Variants in AGAP2 observed in about 807,000 individuals in gnomAD.
AGAP2 encodes the protein arf-GAP with GTPase, ANK repeat and PH domain-containing protein 2.
AGAP2 carries 32 observed loss-of-function variants against 110.9 expected under a neutral mutation model. The observed-to-expected ratio is 0.29, with a 90% CI of 0.22 to 0.39. The LOEUF is 0.39. Ranked by LOEUF, AGAP2 falls within the 10% of genes least tolerant of loss-of-function variation. AGAP2 has a pLI of 1.00. For missense variants in AGAP2, 1,285 were observed against 1,638.5 expected (o/e 0.78, Z 3.72); for synonymous variants, 702 against 713.0 (o/e 0.98, Z 0.25).
rs1279258826 is a variant in AGAP2 at position 57,726,201 on chromosome 12, C to A, written c.*351G>T. 1 of 165,478 alleles carries A rather than the reference C, an allele frequency of 6.0e-6. No individual in the cohort carries two copies. The highest frequency in any genetic ancestry group is 1.3e-5 in the Non-Finnish European group (1 of 76,490). The allele number at this position is 165,478 out of a possible 1,614,324, so 10.3% of individuals were successfully genotyped here. ...TTGTTGAGCTCGGGCAGGACCGGGT[C>A]TTCTTTCCGCCCCTAGGGGGCACAA... On this transcript the variant is annotated 3_prime_UTR_variant, in exon 19 of 19. Transcript: ENST00000547588. This position sits in a 1 kb window ranked among gnomAD's most constrained non-coding sequence, Gnocchi z 5.7.
In AGAP2 at chr12:57,737,886, G is replaced by T. The variant is rs568848196; in HGVS notation, c.361C>A (p.Pro121Thr). 3.2e-4 allele frequency: 451 copies of T among 1,414,420 alleles called. 1 individual carries two copies. In the African/African-American group the frequency reaches 6.1e-3, roughly 19 times the overall value. The allele number at this position is 1,414,420 out of a possible 1,614,324, so 87.6% of individuals were successfully genotyped here. A position where few individuals can be genotyped will look rare whatever the true frequency, so the allele number is the denominator to read the frequency against. Residue 121 changes from proline to threonine, a missense_variant, in exon 1 of 19, where the codon CCC becomes ACC. Physicochemically the swap from Pro to Thr is conservative, Grantham distance 38. This residue lies in a region of AGAP2 where 844 missense variants were observed against 941.2 expected (regional missense o/e 0.90). Coordinates refer to ENST00000547588, the MANE Select transcript of AGAP2 (RefSeq NM_001122772.3). This position sits in a 1 kb window ranked among gnomAD's most constrained non-coding sequence, Gnocchi z 5.9. ...RLSLWAVPPG[P>T]PLSGGLSPDP... The stretch of plus-strand genomic sequence containing the variant: ...GGGCTCAGTCCCCCGGAGAGCGGGG[G>T]TCCCGGAGGGACGGCCCAGAGGGAG...
intron 1 of AGAP2, among the ~76,000 whole-genome samples, chr12:57,735,645 C>T (rs900634702): frequency 1.1e-4 from 17 of 152,330 alleles, no homozygotes; most frequent in Admixed American, 7.2e-4. Context: ...TGCTTAGCAA[C>T]GGAGCTAGCA....
intron 13 of AGAP2, 114 bp from the exon 14 acceptor site, chr12:57,728,491 A>C: frequency 9.1e-7 from 1 of 1,095,994 alleles, no homozygotes; most frequent in Non-Finnish European, 1.4e-6. Context: ...AGAGATAGTG[A>C]CAGAGTGCCA....
chr12:57,732,258 A>G (rs1954900217), intron 7 of AGAP2, 145 bp downstream of exon 7: 3 of 868,808 alleles, frequency 3.5e-6, no homozygotes, highest in Non-Finnish European at 5.3e-6. Context: ...TTCCAGTCCA[A>G]TGCACTTTCT....
At chr12:57,742,145 C>T (rs1002249168), upstream of AGAP2, 34 of 1,536,618 alleles carry the variant, frequency 2.2e-5, no homozygotes, top group African/African-American at 2.7e-5. Context: ...GCCCCCAAAC[C>T]TCAGAAGGCC....
Position 57,737,307 on chromosome 12 carries a change from C to CG in AGAP2, c.939dup (p.Gly314ArgfsTer28). The CG allele has an allele frequency of 1.2e-6, 2 of 1,613,678 alleles. No individual in the cohort carries two copies. The highest frequency in any genetic ancestry group is 8.5e-7 in the Non-Finnish European group (1 of 1,179,802). Reference sequence around the variant, plus strand: ...TCCAGAGTGATTGGAGGTGCAGGCCCGGGGGGCTGCGCGGAAGCAGCGGTG... The same window carrying CG: ...TCCAGAGTGATTGGAGGTGCAGGCCCGGGGGGGCTGCGCGGAAGCAGCGGTG... On this transcript the variant is annotated frameshift_variant, in exon 1 of 19. Transcript: ENST00000547588. LOFTEE classifies it high-confidence loss of function. This position sits in a 1 kb window ranked among gnomAD's most constrained non-coding sequence, Gnocchi z 5.9.
intron 1 of AGAP2, among the ~76,000 whole-genome samples, chr12:57,736,124 C>A (rs534658425): frequency 6.6e-6 from 1 of 151,308 alleles, no homozygotes; most frequent in African/African-American, 2.4e-5. Flanking sequence ...GCGCCTGACA[C>A]CGGCCGGACG....
At chr12:57,731,513 A>G (rs912601494) in intron 9 of AGAP2, 43 bp from the exon 10 acceptor site, 2 of 1,613,848 alleles carry the variant, frequency 1.2e-6, no homozygotes, top group African/African-American at 1.3e-5. Context: ...AAGCCAACTA[A>G]GACCAGCTGC....
At position 57,738,276 on chromosome 12, in the gene AGAP2, G is replaced by A. The variant is rs1324730229; in HGVS notation, c.-30C>T. ...CCCGGAGACCCCCGAGCTGGGGAGG[G>A]GAGGGGACTCCCCCGGACTGCCTCA... On this transcript the variant is annotated 5_prime_UTR_variant, in exon 1 of 19. Coordinates refer to ENST00000547588, the MANE Select transcript of AGAP2 (RefSeq NM_001122772.3). The surrounding 1 kb of genome is among the most constrained non-coding windows in gnomAD (Gnocchi z 6.7). 1.3e-6 allele frequency: 2 copies of A among 1,487,396 alleles called. No individual in the cohort carries two copies. The highest frequency in any genetic ancestry group is 1.8e-6 in the Non-Finnish European group (2 of 1,123,640). The allele number at this position is 1,487,396 out of a possible 1,614,324, so 92.1% of individuals were successfully genotyped here. A position where few individuals can be genotyped will look rare whatever the true frequency, so the allele number is the denominator to read the frequency against.
upstream of AGAP2, chr12:57,741,866 T>C (rs367703960): frequency 3.1e-5 from 49 of 1,595,204 alleles, no homozygotes; most frequent in African/African-American, 6.4e-4. Flanking sequence ...TCTATGCACC[T>C]GCTAGTCCCT....
chr12:57,732,291 C>T lies in AGAP2; in HGVS notation c.1794+112G>A. On this transcript the variant is annotated intron_variant, in intron 7 of 18. Transcript: ENST00000547588. Reference sequence around the variant, plus strand: ...TCTGCCAATAGTTTCACTGCCATTTCCATCTGTTTCCCCACTCCCTGAACC... The same window carrying T: ...TCTGCCAATAGTTTCACTGCCATTTTCATCTGTTTCCCCACTCCCTGAACC... 27 of 1,005,968 alleles carry T rather than the reference C, an allele frequency of 2.7e-5. 1 individual carries two copies. In the South Asian group the frequency reaches 4.1e-4, roughly 15 times the overall value. 62.3% of individuals were successfully genotyped at this position (1,005,968 alleles called of 1,614,324 possible).
At position 57,735,353 on chromosome 12, in the gene AGAP2, G is replaced by T. The variant is rs909797062; in HGVS notation, c.1227+16C>A. ...AGGTCAGCCTTCCCTATAGGCAAGGGGACTGGGTTACCTACCAGGCGCAGT... is the reference window on the plus strand; with the variant it reads ...AGGTCAGCCTTCCCTATAGGCAAGGTGACTGGGTTACCTACCAGGCGCAGT... On this transcript the variant is annotated intron_variant, in intron 2 of 18. Coordinates refer to ENST00000547588, the MANE Select transcript of AGAP2 (RefSeq NM_001122772.3). The T allele has an allele frequency of 1.9e-6, 3 of 1,613,454 alleles. No individual in the cohort carries two copies. In the African/African-American group the frequency reaches 4.0e-5, roughly 22 times the overall value.
At chr12:57,736,440 T>G (rs75185522) in intron 1 of AGAP2, among the ~76,000 whole-genome samples, 3,697 of 152,250 alleles carry the variant, frequency 0.024, 149 homozygotes, top group African/African-American at 0.082. Context: ...CCGGGTGGGT[T>G]TCAATGCGGC....
Position 57,737,749 on chromosome 12 carries a change from T to G in AGAP2, c.498A>C (p.Ser166=). ...TGCCGGTGCCAGGGTGCGGAGAGGA[T>G]GAGCCAGGGATGCCGCCGCCCGCCC... ...EGRAGGGIPG[S]SSPHPGTGSR... The change falls in exon 1 of 19, where the codon TCA becomes TCC. Residue 166 remains serine, a synonymous_variant. Transcript: ENST00000547588. This position sits in a 1 kb window ranked among gnomAD's most constrained non-coding sequence, Gnocchi z 5.9. 6.5e-7 allele frequency: 1 copy of G among 1,540,092 alleles called. No homozygotes were observed. The highest frequency in any genetic ancestry group is 1.9e-5 in the Admixed American group (1 of 51,298).
chr12:57,727,714 C>T lies in AGAP2; in HGVS notation c.2824G>A (p.Gly942Arg). Residue 942 changes from glycine (G) to arginine (R), a missense_variant, in exon 16 of 19, where the codon GGG (glycine) becomes AGG (arginine). Physicochemically the swap from Gly to Arg is moderately radical, Grantham distance 125 (BLOSUM62 -2). Coordinates refer to ENST00000547588, the MANE Select transcript of AGAP2 (RefSeq NM_001122772.3). ...CCGCAGTCCACGCAGATTGAATTCCCCTTGGCGTTCCGGATCGCCTGGATG... is the reference window on the plus strand; with the variant it reads ...CCGCAGTCCACGCAGATTGAATTCCTCTTGGCGTTCCGGATCGCCTGGATG... The part of the protein sequence containing the change: ...VAIQAIRNAK[G>R]NSICVDCGAP... 2 of 1,604,140 alleles carry T rather than the reference C, an allele frequency of 1.2e-6. No individual in the cohort carries two copies. Among genetic ancestry groups the T allele is most frequent in the Non-Finnish European group, 8.5e-7 (1 of 1,174,584 alleles).
chr12:57,735,525 C>CG, intron 1 of AGAP2, 98 bp from the exon 2 acceptor site: 1 of 1,160,372 alleles, frequency 8.6e-7, no homozygotes, highest in Non-Finnish European at 1.3e-6. Flanking sequence ...TCCAACCCCC[C>CG]CCCAACCCTG....
Position 57,731,570 on chromosome 12 carries a change from T to G in AGAP2, c.2026A>C (p.Ile676Leu). ...RGETTGSGRA[I>L]PIKQSFLLKR... ...GGATCACTCACCTGTTTGATGGGGA[T>G]GGCTCGCCCACTCCCTGTTGTCTCT... Residue 676 changes from isoleucine to leucine, a missense_variant, in exon 9 of 19, where the codon ATC (isoleucine) becomes CTC (leucine). This residue lies in a region of AGAP2 where 844 missense variants were observed against 941.2 expected (regional missense o/e 0.90). Transcript: ENST00000547588. The G allele has an allele frequency of 6.2e-7, 1 of 1,614,108 alleles. No homozygotes were observed. The highest frequency in any genetic ancestry group is 8.5e-7 in the Non-Finnish European group (1 of 1,180,022).
intron 3 of AGAP2, 66 bp from the exon 4 acceptor site, chr12:57,734,470 C>T: frequency 6.3e-7 from 1 of 1,594,808 alleles, no homozygotes; most frequent in Non-Finnish European, 8.6e-7. Flanking sequence ...CCCCATGCTC[C>T]CAGTGCTTTT....
chr12:57,727,595 C>A lies in AGAP2; in HGVS notation c.2858-13G>T, dbSNP rs769903048. On this transcript the variant is annotated splice_polypyrimidine_tract_variant and intron_variant, in intron 16 of 18. Coordinates refer to ENST00000547588, the MANE Select transcript of AGAP2 (RefSeq NM_001122772.3). ...GCCCACGTGGGGTCTGCGGAAGGAG[C>A]GTAGAGGTCGGCTCCCAGCCGGGCA... 22 of 1,596,790 alleles carry A rather than the reference C, an allele frequency of 1.4e-5. No homozygotes were observed. Among genetic ancestry groups the A allele is most frequent in the Middle Eastern group, 3.3e-4 (2 of 6,062 alleles).
Sources: gnomAD v4.1 joint callset for allele counts (sites outside exome capture counted in the v4.1 genomes callset) on GRCh38, gnomAD v4.1.1 for gene constraint, gnomAD v4.1.1 regional missense constraint, Gnocchi (gnomAD v3.1) non-coding constraint, MANE v1.5 for transcripts, NCBI Gene and HGNC (gene_info 2026-07-23, HGNC 2026-07-21) for gene names.